The following AFF3 variants were observed in gnomAD, a reference collection of about 807,000 sequenced individuals.
AFF3 encodes ALF transcription elongation factor 3.
A neutral mutation model predicts 129.7 loss-of-function variants in AFF3; 32 were observed. The observed-to-expected ratio is 0.25, with a 90% CI of 0.19 to 0.33. The LOEUF (loss-of-function observed/expected upper bound fraction) is 0.33, where lower values mean the gene tolerates loss of function less well. Ranked by LOEUF, AFF3 falls within the 10% of genes least tolerant of loss-of-function variation. AFF3 has a pLI of 1.00. For missense variants in AFF3, 1,373 were observed against 1,592.0 expected (o/e 0.86, Z 2.34); for synonymous variants, 644 against 635.4 (o/e 1.01, Z -0.20).
intron 8 of AFF3, among the ~76,000 whole-genome samples, chr2:99,788,299 A>C (rs1366424979): frequency 6.6e-6 from 1 of 152,150 alleles, no homozygotes; most frequent in Admixed American, 6.5e-5. Flanking sequence ...ATCCAGAAGA[A>C]GGCACTGCTA....
rs970051025 is a variant in AFF3, at chr2:99,550,813, A to C, written c.*661T>G. The C allele has an allele frequency of 3.0e-5, 7 of 234,798 alleles. No homozygotes were observed. Among genetic ancestry groups the C allele is most frequent in the African/African-American group, 1.5e-4 (7 of 45,374 alleles). The allele number at this position is 234,798 out of a possible 1,614,324, so 14.5% of individuals were successfully genotyped here. ...TGTTTGCCTGGAATGCATTTAGTTG[A>C]TAATAGAGTCAGATGGGGGAAGGGA... is the stretch of plus-strand genomic sequence containing the variant. On this transcript the variant is annotated 3_prime_UTR_variant, in exon 25 of 25. Coordinates refer to ENST00000672756, the MANE Select transcript of AFF3 (RefSeq NM_001386135.1).
chr2:100,055,272 C>A (rs1345023988), intron 4 of AFF3, among the ~76,000 whole-genome samples: 2 of 151,928 alleles, frequency 1.3e-5, no homozygotes, highest in Non-Finnish European at 2.9e-5. Flanking sequence ...GCAGTTCTTA[C>A]CCTGTCATCT....
intron 4 of AFF3, among the ~76,000 whole-genome samples, chr2:100,043,263 T>A (rs1249794917): frequency 6.6e-6 from 1 of 152,092 alleles, no homozygotes; most frequent in Non-Finnish European, 1.5e-5. Flanking sequence ...TTCAAAAGCA[T>A]ATCAATTTGG....
At chr2:99,657,023 G>A (rs974299843) in intron 12 of AFF3, among the ~76,000 whole-genome samples, 7 of 152,118 alleles carry the variant, frequency 4.6e-5, no homozygotes, top group African/African-American at 1.4e-4. Context: ...GCTGTTCTGG[G>A]CACATGGGGC....
chr2:100,037,512 AT>A (rs1317883110), intron 4 of AFF3, among the ~76,000 whole-genome samples: 1 of 33,750 alleles, frequency 3.0e-5, no homozygotes, highest in Non-Finnish European at 4.7e-5. Flanking sequence ...ATATATTTAT[AT>A]TTTATATATT....
chr2:99,984,411 C>T (rs568955585), intron 7 of AFF3, among the ~76,000 whole-genome samples: 9 of 152,216 alleles, frequency 5.9e-5, no homozygotes, highest in Admixed American at 5.9e-4. Context: ...CTTTAGTATG[C>T]TAGGAAACAT....
At chr2:99,760,987 C>T (rs924471244) in intron 8 of AFF3, among the ~76,000 whole-genome samples, 9 of 151,762 alleles carry the variant, frequency 5.9e-5, no homozygotes, top group Non-Finnish European at 1.0e-4. Context: ...CCTCAAACTC[C>T]GGGGCTCATA....
intron 4 of AFF3, among the ~76,000 whole-genome samples, chr2:100,022,435 G>C (rs1683665225): frequency 6.6e-6 from 1 of 151,974 alleles, no homozygotes; most frequent in Non-Finnish European, 1.5e-5. Context: ...GGGGGAGACA[G>C]AGTCTCACTC....
intron 11 of AFF3, among the ~76,000 whole-genome samples, chr2:99,680,088 TA>T: frequency 6.6e-6 from 1 of 152,314 alleles, no homozygotes; most frequent in Admixed American, 6.5e-5. Flanking sequence ...TGTGAAAATA[TA>T]AAAATGCTCC....
chr2:99,637,742 C>T (rs908656285), intron 13 of AFF3, among the ~76,000 whole-genome samples: 1 of 152,308 alleles, frequency 6.6e-6, no homozygotes, highest in Middle Eastern at 3.4e-3. Flanking sequence ...CAGTGACAAA[C>T]ACTGAAAACT....
chr2:100,107,371 T>C, intron 2 of AFF3: 1 of 985,462 alleles, frequency 1.0e-6, no homozygotes, highest in Non-Finnish European at 1.2e-6. Context: ...TTAATCTAGT[T>C]GTCAAAATTT....
intron 21 of AFF3, among the ~76,000 whole-genome samples, chr2:99,560,123 A>G (rs1320823354): frequency 6.6e-6 from 1 of 152,192 alleles, no homozygotes; most frequent in African/African-American, 2.4e-5. Flanking sequence ...TAGGCCGGGC[A>G]CAGTGGCTCA....
intron 8 of AFF3, among the ~76,000 whole-genome samples, chr2:99,826,655 G>C (rs886918363): frequency 2.4e-4 from 37 of 152,144 alleles, no homozygotes; most frequent in African/African-American, 8.9e-4. Flanking sequence ...TACGCCTGCA[G>C]AAGTGCAGCA....
Position 100,104,386 on chromosome 2 carries a change from C to A in AFF3, c.53+16G>T. 1 of 1,111,418 alleles carries A rather than the reference C, an allele frequency of 9.0e-7. No individual in the cohort carries two copies. Among genetic ancestry groups the A allele is most frequent in the Non-Finnish European group, 1.1e-6 (1 of 889,558 alleles). The allele number at this position is 1,111,418 out of a possible 1,614,324, so 68.8% of individuals were successfully genotyped here. ...GCCGCTCCCGCCCGCCCGAAGCGGC[C>A]GGCACGGGGACTTACCACAGTGACT... On this transcript the variant is annotated intron_variant, in intron 4 of 24. Transcript: ENST00000672756.
intron 10 of AFF3, 72 bp downstream of exon 10, chr2:99,744,032 C>T: frequency 7.5e-7 from 1 of 1,324,618 alleles, no homozygotes; most frequent in Non-Finnish European, 1.1e-6. Flanking sequence ...TGTGCTCATC[C>T]TCCCTCCCCT....
chr2:99,584,190 G>A (rs747284096), intron 16 of AFF3, among the ~76,000 whole-genome samples: 3 of 152,140 alleles, frequency 2.0e-5, no homozygotes, highest in South Asian at 2.1e-4. Flanking sequence ...GTAGGAGGCC[G>A]GGTGTGGTGG....
intron 4 of AFF3, among the ~76,000 whole-genome samples, chr2:100,032,315 G>A (rs1432558933): frequency 3.9e-5 from 6 of 152,088 alleles, no homozygotes. Context: ...TGTAGTCCCA[G>A]CTACTCAGGA....
At chr2:99,925,526 C>T (rs762886712) in intron 7 of AFF3, among the ~76,000 whole-genome samples, 1 of 152,098 alleles carries the variant, frequency 6.6e-6, no homozygotes, top group Non-Finnish European at 1.5e-5. Flanking sequence ...GGCACATAGT[C>T]GGCACTCAGT....
chr2:100,070,519 C>T lies in AFF3; in HGVS notation c.53+33883G>A, dbSNP rs79700448. ...ACTGTGATTCTCCTGAATTATTATA[C>T]GATGTTCATAGTTTATTCTACAGAC... On this transcript the variant is annotated intron_variant, in intron 4 of 24. Coordinates refer to ENST00000672756, the MANE Select transcript of AFF3 (RefSeq NM_001386135.1). 5.9e-3 allele frequency among the ~76,000 whole-genome samples: 895 copies of T among 152,214 alleles called. 5 individuals are homozygous for T. Among genetic ancestry groups the T allele is most frequent in the Non-Finnish European group, 0.01 (697 of 68,008 alleles).
Sources: gnomAD v4.1 joint callset for allele counts (sites outside exome capture counted in the v4.1 genomes callset) on GRCh38, gnomAD v4.1.1 for gene constraint, MANE v1.5 for transcripts, NCBI Gene and HGNC (gene_info 2026-07-23, HGNC 2026-07-21) for gene names.